DLC1: variants seen among roughly 807,000 people sequenced by gnomAD.
The protein encoded by DLC1 is DLC1 Rho GTPase activating protein.
Under a neutral mutation model 140.3 loss-of-function variants are expected in DLC1, and 54 were observed. The ratio of observed to expected loss-of-function variants is 0.38; its 90% confidence interval spans 0.31 to 0.48. The LOEUF is 0.48. Among genes scored for constraint, DLC1 ranks in the 20% least tolerant of loss-of-function variants. DLC1 has a pLI of 0.96. For missense variants in DLC1, 2,536 were observed against 1,907.0 expected, an observed-to-expected ratio of 1.33 and a Z score of -6.14; for synonymous variants, 986 against 728.1, an observed-to-expected ratio of 1.35 and a Z score of -5.70.
intron 5 of DLC1, among the ~76,000 whole-genome samples, chr8:13,297,523 C>T (rs1832011054): frequency 6.6e-6 from 1 of 151,992 alleles, no homozygotes; most frequent in African/African-American, 2.4e-5. Flanking sequence ...TTGGGAATGT[C>T]ATGCAAATAG....
At chr8:13,274,806 A>G (rs1490404106) in intron 5 of DLC1, among the ~76,000 whole-genome samples, 1 of 120,922 alleles carries the variant, frequency 8.3e-6, no homozygotes, top group African/African-American at 2.9e-5. Context: ...CTTTAGTAAG[A>G]TATTATTTAT....
chr8:13,277,010 C>T (rs1024907633), intron 5 of DLC1: 1 of 152,290 alleles, frequency 6.6e-6, no homozygotes, highest in East Asian at 1.9e-4. Context: ...ACAGATCAAT[C>T]TGGATTCCCT....
intron 1 of DLC1, among the ~76,000 whole-genome samples, chr8:13,522,746 A>G (rs931467621): frequency 2.6e-5 from 4 of 152,150 alleles, no homozygotes; most frequent in Non-Finnish European, 4.4e-5. Flanking sequence ...CATGCTAAGG[A>G]GGGTGTGGAA....
intron 4 of DLC1, among the ~76,000 whole-genome samples, chr8:13,358,040 A>G (rs1176103418): frequency 1.3e-5 from 2 of 152,224 alleles, no homozygotes; most frequent in Non-Finnish European, 2.9e-5. Context: ...TTAGGGTATT[A>G]TCTTCAAAAG....
chr8:13,254,271 T>A (rs1474647299), intron 5 of DLC1, among the ~76,000 whole-genome samples: 1 of 150,316 alleles, frequency 6.7e-6, no homozygotes, highest in East Asian at 2.0e-4. Context: ...GAGAAGTAAC[T>A]AGTCTTGAGC....
In DLC1 at chr8:13,084,410, C is replaced by T. The variant is rs1398871982; in HGVS notation, c.*1401G>A. 1 of 152,556 alleles carries T rather than the reference C, an allele frequency of 6.6e-6. No individual in the cohort carries two copies. Among genetic ancestry groups the T allele is most frequent in the Non-Finnish European group, 1.5e-5 (1 of 68,016 alleles). The allele number at this position is 152,556 out of a possible 1,614,324, so 9.5% of individuals were successfully genotyped here. On this transcript the variant is annotated 3_prime_UTR_variant, in exon 18 of 18. Transcript: ENST00000276297. The stretch of plus-strand genomic sequence containing the variant: ...ACAGCTCTCATTCATACATTATTCA[C>T]TTTTGATCCATACACAATAAATTTA...
rs185722355 is a variant in DLC1, at chr8:13,378,942, T to C, written c.1314+14611A>G. 5.9e-3 allele frequency among the ~76,000 whole-genome samples: 900 copies of C among 152,272 alleles called. 15 individuals carry two copies. The highest frequency in any genetic ancestry group is 0.047 in the South Asian group (226 of 4,828). On this transcript the variant is annotated intron_variant, in intron 4 of 17. Transcript: ENST00000276297. ...GAGATATGCTAGGAATCAGGATAAA[T>C]AATAAATATATAATGTTAACAGTAA... is the stretch of plus-strand genomic sequence containing the variant.
At chr8:13,461,818 C>A (rs1799673691) in intron 2 of DLC1, among the ~76,000 whole-genome samples, 1 of 152,128 alleles carries the variant, frequency 6.6e-6, no homozygotes, top group Non-Finnish European at 1.5e-5. Flanking sequence ...CGATGCTCTT[C>A]GTTACCCCGT....
intron 5 of DLC1, among the ~76,000 whole-genome samples, chr8:13,172,293 C>T (rs1353519119): frequency 6.6e-6 from 1 of 152,082 alleles, no homozygotes; most frequent in African/African-American, 2.4e-5. Context: ...CCAGCTGGAG[C>T]CTCAATACTA....
chr8:13,499,369 G>A lies in DLC1; in HGVS notation c.703C>T (p.Arg235Ter), dbSNP rs752447193. 9 of 1,613,944 alleles carry A rather than the reference G, an allele frequency of 5.6e-6. No homozygotes were observed. The highest frequency in any genetic ancestry group is 1.7e-5 in the Admixed American group (1 of 59,982). ...LLNSAVIAQQRRKPDPPKDEN... is the reference protein window; with the variant it reads ...LLNSAVIAQQ ...TCTTTAGGGGGGTCAGGTTTCCTTC[G>A]TTGCTGAGCAATTACAGCAGAGTTA... Residue 235 changes from arginine to a stop codon, truncating the protein, a stop_gained, in exon 2 of 18, where the codon CGA becomes TGA. Coordinates refer to ENST00000276297, the MANE Select transcript of DLC1 (RefSeq NM_182643.3). LOFTEE classifies it high-confidence loss of function.
chr8:13,193,209 T>C (rs919191039), intron 5 of DLC1, among the ~76,000 whole-genome samples: 1 of 152,190 alleles, frequency 6.6e-6, no homozygotes, highest in Admixed American at 6.5e-5. Context: ...ACAGCTCTTA[T>C]ATTATTATCC....
chr8:13,584,100 G>C (rs1016634240), intron 1 of DLC1: 5 of 152,996 alleles, frequency 3.3e-5, no homozygotes, highest in Admixed American at 2.6e-4. Flanking sequence ...GCTTCAGCAG[G>C]TTCTTTGCTT....
intron 14 of DLC1, 67 bp downstream of exon 14, chr8:13,091,251 C>T: frequency 1.3e-6 from 2 of 1,523,556 alleles, no homozygotes; most frequent in Middle Eastern, 1.7e-4. Context: ...GAACAAGGGT[C>T]AAGCCTAAGA....
intron 4 of DLC1, among the ~76,000 whole-genome samples, chr8:13,309,047 A>G (rs1832566524): frequency 6.6e-6 from 1 of 152,208 alleles, no homozygotes; most frequent in Admixed American, 6.5e-5. Flanking sequence ...AATTTAAATA[A>G]CATGTATAAT....
intron 3 of DLC1, among the ~76,000 whole-genome samples, chr8:13,399,089 T>A (rs1488436876): frequency 2.6e-5 from 4 of 152,142 alleles, no homozygotes; most frequent in South Asian, 2.1e-4. Context: ...TTCTGGCCTG[T>A]GTGTGTCTGA....
At chr8:13,479,355 A>C (rs1040992933) in intron 2 of DLC1, among the ~76,000 whole-genome samples, 2 of 152,210 alleles carry the variant, frequency 1.3e-5, no homozygotes, top group African/African-American at 2.4e-5. Flanking sequence ...CACAATAAGC[A>C]AAGCAAAAAT....
intron 5 of DLC1, among the ~76,000 whole-genome samples, chr8:13,178,548 G>C (rs1423849910): frequency 6.7e-6 from 1 of 149,286 alleles, no homozygotes; most frequent in Admixed American, 6.7e-5. Context: ...ACTCCAGCCT[G>C]GGCGACAGAG....
At chr8:13,269,782 G>A (rs576332103) in intron 5 of DLC1, among the ~76,000 whole-genome samples, 16 of 151,138 alleles carry the variant, frequency 1.1e-4, no homozygotes, top group African/African-American at 3.6e-4. Context: ...ACATGGCCAG[G>A]CGCAGTGGCC....
intron 5 of DLC1, chr8:13,160,288 AAAATT>A (rs1390875559): frequency 6.6e-6 from 1 of 152,238 alleles, no homozygotes; most frequent in Non-Finnish European, 1.5e-5. Context: ...AAAAAATAAA[AAAATT>A]AAAAGGCGGT....
Sources: allele counts gnomAD v4.1 joint callset (sites outside exome capture counted in the v4.1 genomes callset), GRCh38; gene constraint gnomAD v4.1.1; transcripts MANE v1.5; gene names NCBI Gene and HGNC (gene_info 2026-07-23, HGNC 2026-07-21).